FNBP4: variants seen among roughly 807,000 people sequenced by gnomAD.
The protein encoded by FNBP4 is formin-binding protein 4.
A neutral mutation model predicts 119.3 loss-of-function variants in FNBP4; 34 were observed. The ratio of observed to expected loss-of-function variants is 0.28; its 90% CI spans 0.22 to 0.38. The LOEUF (loss-of-function observed/expected upper bound fraction) is 0.38. Among genes scored for constraint, FNBP4 ranks in the 10% least tolerant of loss-of-function variants. The pLI, the probability that FNBP4 is intolerant of heterozygous loss-of-function variation, is 1.00. For missense variants in FNBP4, 1,112 were observed against 1,228.9 expected (o/e 0.90, Z 1.42); for synonymous variants, 462 against 430.6 (o/e 1.07, Z -0.90).
intron 1 of FNBP4, among the ~76,000 whole-genome samples, 179 bp from the exon 2 acceptor site, chr11:47,765,541 AATC>A (rs2097645622): frequency 1.0e-5 from 1 of 97,504 alleles, no homozygotes; most frequent in Non-Finnish European, 1.9e-5. Flanking sequence ...TCGCACCTGT[AATC>A]CCAGCACTTT....
rs934821123 is a variant in FNBP4 at position 47,744,043 on chromosome 11, A to G, written c.1366T>C (p.Trp456Arg). The G allele has an allele frequency of 6.2e-7, 1 of 1,614,040 alleles. No individual in the cohort carries two copies. The change falls in exon 8 of 17, where the codon TGG becomes CGG. Residue 456 changes from tryptophan (W) to arginine (R), a missense_variant. Coordinates refer to ENST00000263773, the MANE Select transcript of FNBP4 (RefSeq NM_015308.5). The part of the protein sequence containing the change: ...MRRLMSKRGK[W>R]KMFVRATSPE... ...CTGGTAGCTCGAACAAACATCTTCC[A>G]TTTTCCTCTTTTAGACATAAGCCTA...
In FNBP4 at chr11:47,746,402, G is replaced by C. The variant is rs754635877; in HGVS notation, c.907-8C>G. On this transcript the variant is annotated splice_region_variant and splice_polypyrimidine_tract_variant and intron_variant, in intron 6 of 16. Coordinates refer to ENST00000263773, the MANE Select transcript of FNBP4 (RefSeq NM_015308.5). The stretch of plus-strand genomic sequence containing the variant: ...AATTCCTTCATTTACTTCCTATAAA[G>C]AACAAAATAATTTAGTCTCATTTAA... The C allele has an allele frequency of 6.5e-5, 103 of 1,574,480 alleles. No individual in the cohort carries two copies. Among genetic ancestry groups the C allele is most frequent in the Non-Finnish European group, 8.8e-5 (103 of 1,166,090 alleles).
chr11:47,744,048 C>T lies in FNBP4; in HGVS notation c.1361G>A (p.Gly454Glu), dbSNP rs2097585952. ...AGCTCGAACAAACATCTTCCATTTT[C>T]CTCTTTTAGACATAAGCCTACGCAT... ...DGMRRLMSKR[G>E]KWKMFVRATS... The change falls in exon 8 of 17, where the codon GGA becomes GAA. Residue 454 changes from glycine to glutamate, a missense_variant. This residue lies in a region of FNBP4 where 826 missense variants were observed against 988.8 expected (regional missense o/e 0.84). Coordinates refer to ENST00000263773, the MANE Select transcript of FNBP4 (RefSeq NM_015308.5). 6.2e-7 allele frequency: 1 copy of T among 1,614,016 alleles called. No individual in the cohort carries two copies. Among genetic ancestry groups the T allele is most frequent in the African/African-American group, 1.3e-5 (1 of 74,912 alleles).
chr11:47,741,564 TC>T (rs2097582042), intron 8 of FNBP4, among the ~76,000 whole-genome samples: 1 of 151,716 alleles, frequency 6.6e-6, no homozygotes, highest in African/African-American at 2.4e-5. Context: ...ACGCCTGTAA[TC>T]CCAGCACTTT....
At chr11:47,748,675 A>G (rs960383046) in intron 6 of FNBP4, among the ~76,000 whole-genome samples, 1 of 151,540 alleles carries the variant, frequency 6.6e-6, no homozygotes, top group Non-Finnish European at 1.5e-5. Flanking sequence ...TTTGAGATGG[A>G]GTCTCACTCT....
chr11:47,754,720 A>G (rs2097612673), intron 2 of FNBP4, 56 bp from the exon 3 acceptor site: 1 of 1,570,508 alleles, frequency 6.4e-7, no homozygotes, highest in African/African-American at 1.4e-5. Context: ...TGTCCTAAGA[A>G]GCATCTAAAG....
chr11:47,744,891 T>C (rs2097587396), intron 7 of FNBP4, among the ~76,000 whole-genome samples: 1 of 152,208 alleles, frequency 6.6e-6, no homozygotes, highest in Admixed American at 6.5e-5. Flanking sequence ...TCTTTATTGA[T>C]TATCAACTAC....
intron 4 of FNBP4, among the ~76,000 whole-genome samples, chr11:47,751,741 C>G (rs913192455): frequency 6.6e-6 from 1 of 152,016 alleles, no homozygotes; most frequent in South Asian, 2.1e-4. Context: ...CACCTAAGGT[C>G]GGGAGTTTGA....
chr11:47,741,362 G>A (rs1367832025), intron 8 of FNBP4, among the ~76,000 whole-genome samples: 2 of 151,666 alleles, frequency 1.3e-5, no homozygotes, highest in African/African-American at 4.9e-5. Context: ...TAGAGACAGT[G>A]TCTTGCTATA....
chr11:47,745,190 C>CAGT (rs967137398), intron 7 of FNBP4, among the ~76,000 whole-genome samples: 5 of 152,038 alleles, frequency 3.3e-5, no homozygotes, highest in Admixed American at 6.6e-5. Flanking sequence ...AACAGAGTAA[C>CAGT]AGTGATTTTT....
At chr11:47,745,925 T>C (rs2097589338) in intron 7 of FNBP4, 131 bp downstream of exon 7, 2 of 766,312 alleles carry the variant, frequency 2.6e-6, no homozygotes, top group South Asian at 4.3e-5. Flanking sequence ...TTTTGCTGCA[T>C]AAGCTTCAAC....
chr11:47,731,203 T>C (rs1413192556), intron 12 of FNBP4, 171 bp downstream of exon 12: 7 of 568,888 alleles, frequency 1.2e-5, no homozygotes, highest in Non-Finnish European at 2.0e-5. Context: ...ATAACAATAG[T>C]ATGCTGATTT....
intron 12 of FNBP4, among the ~76,000 whole-genome samples, chr11:47,728,351 G>A (rs1248156673): frequency 6.7e-6 from 1 of 149,248 alleles, no homozygotes; most frequent in Non-Finnish European, 1.5e-5. Context: ...CTGGGTTCAA[G>A]CGATTCTCCT....
At chr11:47,753,261 G>A (rs889702731) in intron 3 of FNBP4, among the ~76,000 whole-genome samples, 159 bp from the exon 4 acceptor site, 1 of 152,138 alleles carries the variant, frequency 6.6e-6, no homozygotes, top group Non-Finnish European at 1.5e-5. Flanking sequence ...GATCACTTGA[G>A]GTCAGGAATT....
intron 2 of FNBP4, among the ~76,000 whole-genome samples, chr11:47,755,821 T>G (rs568081016): frequency 1.3e-5 from 2 of 151,240 alleles, no homozygotes. Flanking sequence ...ACAAAAAAAA[T>G]CGAGAACAAG....
rs2097568787 is a variant in FNBP4, at chr11:47,732,645, C to T, written c.1712G>A (p.Gly571Glu). Residue 571 changes from glycine to glutamate, a missense_variant, in exon 11 of 17, where the codon GGG becomes GAG. This residue lies in a region of FNBP4 where 826 missense variants were observed against 988.8 expected (regional missense o/e 0.84). Coordinates refer to ENST00000263773, the MANE Select transcript of FNBP4 (RefSeq NM_015308.5). The surrounding 1 kb of genome is among the most constrained non-coding windows in gnomAD (Gnocchi z 4.2). Reference protein sequence around the residue: ...TETRIADWREGALNGNYLKRK... With the variant: ...TETRIADWREEALNGNYLKRK... ...TTTAAGGTAGTTTCCATTAAGAGCC[C>T]CTTCCCGCCAGTCTGCAATTCGAGT... 2 of 1,614,172 alleles carry T rather than the reference C, an allele frequency of 1.2e-6. No individual in the cohort carries two copies. Among genetic ancestry groups the T allele is most frequent in the East Asian group, 2.2e-5 (1 of 44,888 alleles).
chr11:47,764,215 GC>G (rs1294243074), intron 2 of FNBP4, among the ~76,000 whole-genome samples: 1 of 152,174 alleles, frequency 6.6e-6, no homozygotes, highest in Non-Finnish European at 1.5e-5. Flanking sequence ...CTGAGTAGCT[GC>G]GATTATAGGT....
chr11:47,736,270 T>C (rs1445129474), intron 9 of FNBP4, among the ~76,000 whole-genome samples: 1 of 146,456 alleles, frequency 6.8e-6, no homozygotes, highest in African/African-American at 2.5e-5. Flanking sequence ...AAAAAAAATT[T>C]GGCGGGCCGG....
chr11:47,717,812 G>A (rs1421471085), intron 16 of FNBP4, among the ~76,000 whole-genome samples: 1 of 151,870 alleles, frequency 6.6e-6, no homozygotes, highest in African/African-American at 2.4e-5. Flanking sequence ...GCAATGGTGC[G>A]ATCTCGGCTC....
Sources: gnomAD v4.1 joint callset for allele counts (sites outside exome capture counted in the v4.1 genomes callset) on GRCh38, gnomAD v4.1.1 for gene constraint, gnomAD v4.1.1 regional missense constraint, Gnocchi (gnomAD v3.1) non-coding constraint, MANE v1.5 for transcripts, NCBI Gene and HGNC (gene_info 2026-07-23, HGNC 2026-07-21) for gene names.